Variants in SBF2 observed in about 807,000 individuals in gnomAD.
SBF2 encodes the protein SET binding factor 2.
In SBF2, 112 loss-of-function variants were observed where a neutral mutation model predicts 225.2. The observed-to-expected ratio is 0.50, with a 90% CI of 0.43 to 0.58. SBF2 has a LOEUF of 0.58. Among genes scored for constraint, SBF2 ranks in the 20% least tolerant of loss-of-function variants. SBF2 has a pLI of 0.00. For missense variants in SBF2, 1,996 were observed against 2,206.2 expected, an observed-to-expected ratio of 0.90 and a Z score of 1.91; for synonymous variants, 763 against 773.3, an observed-to-expected ratio of 0.99 and a Z score of 0.22.
chr11:9,839,208 C>G, intron 26 of SBF2: 2 of 410,016 alleles, frequency 4.9e-6, no homozygotes, highest in Non-Finnish European at 4.6e-6. Context: ...TCCTGTTCTT[C>G]AAGTTATCTT....
chr11:9,829,069 G>A (rs1224815785), intron 28 of SBF2, among the ~76,000 whole-genome samples: 2 of 152,152 alleles, frequency 1.3e-5, no homozygotes, highest in Non-Finnish European at 2.9e-5. Context: ...GAGCCCAGAA[G>A]TTCGAGACCA....
At chr11:10,302,693 C>T (rs1211064972) in intron 1 of SBF2, 1 of 152,326 alleles carries the variant, frequency 6.6e-6, no homozygotes, top group African/African-American at 2.4e-5. Flanking sequence ...GCTTCGCGAT[C>T]CTCCTGGCAG....
intron 1 of SBF2, among the ~76,000 whole-genome samples, chr11:10,284,757 T>C (rs1963634922): frequency 6.6e-6 from 1 of 151,854 alleles, no homozygotes. Context: ...ACTACAGGCA[T>C]GCATCATCAC....
intron 2 of SBF2, among the ~76,000 whole-genome samples, chr11:10,063,830 AACACACACAC>A (rs140036479): frequency 2.9e-4 from 40 of 140,234 alleles, no homozygotes; most frequent in Admixed American, 1.2e-3. Flanking sequence ...TCTAAAATAA[AACACACACAC>A]ACACACACAC....
intron 1 of SBF2, among the ~76,000 whole-genome samples, chr11:10,259,369 G>A (rs1565410108): frequency 6.6e-6 from 1 of 152,138 alleles, no homozygotes; most frequent in Non-Finnish European, 1.5e-5. Context: ...TGTCTGTAAA[G>A]TGCTCTGTAC....
At chr11:9,788,589 CTTT>C (rs34787805) in intron 35 of SBF2, among the ~76,000 whole-genome samples, 168 of 122,290 alleles carry the variant, frequency 1.4e-3, no homozygotes, top group Middle Eastern at 4.2e-3. Context: ...TGGAAAATCA[CTTT>C]TTTTTTTTTT....
chr11:10,001,510 C>G (rs908835712), intron 7 of SBF2, among the ~76,000 whole-genome samples: 7 of 151,850 alleles, frequency 4.6e-5, no homozygotes, highest in Non-Finnish European at 8.8e-5. Context: ...TTAAGAAAAG[C>G]ACCTAAATTA....
chr11:10,283,175 G>A (rs1166057664), intron 1 of SBF2, among the ~76,000 whole-genome samples: 1 of 152,052 alleles, frequency 6.6e-6, no homozygotes, highest in Non-Finnish European at 1.5e-5. Context: ...TAATGACTAG[G>A]TTAGGGATAG....
chr11:10,246,472 C>T lies in SBF2; in HGVS notation c.55+47543G>A, dbSNP rs141555649. 4.4e-4 allele frequency among the ~76,000 whole-genome samples: 67 copies of T among 152,180 alleles called. 1 individual carries two copies. The highest frequency in any genetic ancestry group is 8.3e-4 in the South Asian group (4 of 4,824). ...CTAATTTTGGTATTTTTAGTAGACA[C>T]GGGGTTTCACCATGTTGGCCAGGCT... On this transcript the variant is annotated intron_variant, in intron 1 of 39. Coordinates refer to ENST00000256190, the MANE Select transcript of SBF2 (RefSeq NM_030962.4).
At chr11:10,006,411 A>G (rs1019437425) in intron 6 of SBF2, among the ~76,000 whole-genome samples, 1 of 152,152 alleles carries the variant, frequency 6.6e-6, no homozygotes, top group African/African-American at 2.4e-5. Flanking sequence ...GACTTACCAT[A>G]TGCTTTTTGT....
chr11:9,806,324 T>C (rs11601940), intron 32 of SBF2, among the ~76,000 whole-genome samples: 30,676 of 152,148 alleles, frequency 0.2, 3,801 homozygotes, highest in Non-Finnish European at 0.29. Flanking sequence ...AATTAGTAAT[T>C]ATTGTTAGTA....
At chr11:10,021,698 G>A (rs72858814) in intron 6 of SBF2, among the ~76,000 whole-genome samples, 7,956 of 152,220 alleles carry the variant, frequency 0.052, 294 homozygotes, top group Middle Eastern at 0.16. Flanking sequence ...GGTTACAAAA[G>A]GATCTTATAG....
chr11:9,924,731 C>T (rs555741888), intron 16 of SBF2, among the ~76,000 whole-genome samples: 13 of 151,904 alleles, frequency 8.6e-5, no homozygotes, highest in African/African-American at 1.7e-4. Flanking sequence ...CACGCCCAGT[C>T]GCATTTTCTT....
chr11:10,245,811 G>A (rs1959731516), intron 1 of SBF2, among the ~76,000 whole-genome samples: 1 of 152,164 alleles, frequency 6.6e-6, no homozygotes. Flanking sequence ...GTGTTATTTG[G>A]CCTTCAGAAA....
At chr11:10,080,573 G>C (rs191014760) in intron 2 of SBF2, among the ~76,000 whole-genome samples, 45 of 151,482 alleles carry the variant, frequency 3.0e-4, no homozygotes, top group African/African-American at 1.1e-3. Context: ...CCAAAGGCAA[G>C]TAGATAGAAA....
chr11:9,893,126 T>TC (rs771400924), intron 17 of SBF2, among the ~76,000 whole-genome samples: 1 of 152,196 alleles, frequency 6.6e-6, no homozygotes, highest in Non-Finnish European at 1.5e-5. Flanking sequence ...AGCAGCTGAG[T>TC]CCATTCTCTG....
intron 17 of SBF2, among the ~76,000 whole-genome samples, chr11:9,864,685 T>C (rs984049485): frequency 2.0e-5 from 3 of 151,908 alleles, no homozygotes; most frequent in Non-Finnish European, 4.4e-5. Context: ...CCAGGCCCAG[T>C]TGAACTCTGT....
intron 1 of SBF2, among the ~76,000 whole-genome samples, chr11:10,260,650 C>A (rs1038433972): frequency 2.0e-5 from 3 of 150,562 alleles, no homozygotes; most frequent in Non-Finnish European, 4.4e-5. Flanking sequence ...TTGCAGTGAG[C>A]CGAGATTGCG....
intron 2 of SBF2, among the ~76,000 whole-genome samples, chr11:10,099,508 C>A (rs957183283): frequency 6.6e-6 from 1 of 152,050 alleles, no homozygotes; most frequent in Admixed American, 6.6e-5. Context: ...AACCTGAAAA[C>A]ATGAAGGTAT....
Sources: gnomAD v4.1 joint callset for allele counts (sites outside exome capture counted in the v4.1 genomes callset) on GRCh38, gnomAD v4.1.1 for gene constraint, MANE v1.5 for transcripts, NCBI Gene and HGNC (gene_info 2026-07-23, HGNC 2026-07-21) for gene names.